PCDHA5: variants seen among roughly 807,000 people sequenced by gnomAD.
PCDHA5 encodes protocadherin alpha 5.
A neutral mutation model predicts 61.6 loss-of-function variants in PCDHA5; 43 were observed. The ratio of observed to expected loss-of-function variants is 0.70; its 90% CI spans 0.55 to 0.90. PCDHA5 has a LOEUF of 0.90. Among genes scored for constraint, PCDHA5 ranks in the 40% least tolerant of loss-of-function variants. The pLI, the probability that PCDHA5 is intolerant of heterozygous loss-of-function variation, is 0.00. For missense variants in PCDHA5, 1,298 were observed against 1,222.7 expected (o/e 1.06, Z -0.92); for synonymous variants, 627 against 543.9 (o/e 1.15, Z -2.13).
intron 1 of PCDHA5, chr5:140,928,844 C>T (rs782361945): frequency 1.2e-6 from 2 of 1,614,168 alleles, no homozygotes; most frequent in Non-Finnish European, 1.7e-6. Flanking sequence ...TCCTCTGTCA[C>T]TCTGGGTGTG....
intron 1 of PCDHA5, chr5:140,927,292 C>A: frequency 6.2e-7 from 1 of 1,614,162 alleles, no homozygotes; most frequent in East Asian, 2.2e-5. Flanking sequence ...GCTGCACATC[C>A]CCGAGTTCCT....
chr5:140,822,835 C>A lies in PCDHA5; in HGVS notation c.1060C>A (p.Leu354Ile), dbSNP rs1767446565. 1 of 1,614,198 alleles carries A rather than the reference C, an allele frequency of 6.2e-7. No homozygotes were observed. The highest frequency in any genetic ancestry group is 8.5e-7 in the Non-Finnish European group (1 of 1,180,040). ...TACCCCAGAGATGGCCATAACCACC[C>A]TTTTCCTGCCTGTCAAAGAGGACGC... ...DNTPEMAITT[L>I]FLPVKEDAPL... is the part of the protein sequence containing the mutation. The change falls in exon 1 of 4, where the codon CTT (leucine) becomes ATT (isoleucine). Residue 354 changes from leucine to isoleucine, a missense_variant. Leu to Ile is a conservative substitution (Grantham distance 5, BLOSUM62 2). Transcript: ENST00000529859.
At chr5:140,967,425 C>T in intron 1 of PCDHA5, 1 of 1,613,294 alleles carries the variant, frequency 6.2e-7, no homozygotes, top group Non-Finnish European at 8.5e-7. Flanking sequence ...CGGGAGCAGG[C>T]AGCCTTGCAC....
chr5:140,828,699 A>G, intron 1 of PCDHA5: 1 of 1,614,250 alleles, frequency 6.2e-7, no homozygotes, highest in Non-Finnish European at 8.5e-7. Flanking sequence ...TTGGACAGAG[A>G]GGAAGCTCCT....
chr5:140,884,159 A>T, intron 1 of PCDHA5: 3 of 1,613,418 alleles, frequency 1.9e-6, no homozygotes, highest in Non-Finnish European at 2.5e-6. Context: ...CACTGGCGAG[A>T]TCAGCACGAC....
intron 1 of PCDHA5, among the ~76,000 whole-genome samples, chr5:140,976,093 A>G (rs782314077): frequency 6.6e-6 from 1 of 152,238 alleles, no homozygotes; most frequent in African/African-American, 2.4e-5. Context: ...TCAGTAGTCA[A>G]CTTTTCAACT....
At position 140,835,844 on chromosome 5, in the gene PCDHA5, C is replaced by T. The variant is rs2150246309; in HGVS notation, c.2352+11717C>T. The T allele has an allele frequency of 8.1e-6, 13 of 1,612,362 alleles. No homozygotes were observed. The Admixed American group carries it at 1.0e-4, about 12-fold the overall frequency. On this transcript the variant is annotated intron_variant, in intron 1 of 3. Coordinates refer to ENST00000529859, the MANE Select transcript of PCDHA5 (RefSeq NM_018908.3). Reference sequence around the variant, plus strand: ...CGGGGGACGCGGACGCGCAGAAGAACGCGCTGGTGTCCTACTCGCTGGTGG... The same window carrying T: ...CGGGGGACGCGGACGCGCAGAAGAATGCGCTGGTGTCCTACTCGCTGGTGG...
chr5:140,870,090 G>A, intron 1 of PCDHA5: 3 of 1,613,854 alleles, frequency 1.9e-6, no homozygotes, highest in South Asian at 2.2e-5. Flanking sequence ...CTCCCCCAAT[G>A]GCAGGTCACT....
At chr5:140,875,608 G>C in intron 1 of PCDHA5, 1 of 1,613,844 alleles carries the variant, frequency 6.2e-7, no homozygotes, top group Non-Finnish European at 8.5e-7. Context: ...CACCTTCGTG[G>C]GCCGCATCGC....
At chr5:141,008,382 A>G (rs1458485740) in intron 3 of PCDHA5, among the ~76,000 whole-genome samples, 1 of 152,166 alleles carries the variant, frequency 6.6e-6, no homozygotes, top group African/African-American at 2.4e-5. Flanking sequence ...ATACATAAAC[A>G]TTGCTATGAT....
chr5:140,884,385 C>T (rs1554181508), intron 1 of PCDHA5: 1 of 1,613,992 alleles, frequency 6.2e-7, no homozygotes, highest in Non-Finnish European at 8.5e-7. Context: ...GCCATCTGCG[C>T]GGTGTCCAGC....
chr5:140,842,755 T>A, intron 1 of PCDHA5: 1 of 1,594,888 alleles, frequency 6.3e-7, no homozygotes, highest in Non-Finnish European at 8.6e-7. Context: ...TCACGGTGTC[T>A]GCGCGAGACG....
At chr5:140,845,517 A>G (rs1554140912) in intron 1 of PCDHA5, among the ~76,000 whole-genome samples, 1 of 149,602 alleles carries the variant, frequency 6.7e-6, no homozygotes, top group Non-Finnish European at 1.5e-5. Context: ...TTTCTTGTAC[A>G]TTAATACTTT....
intron 1 of PCDHA5, chr5:140,835,675 G>C (rs2150241595): frequency 6.2e-7 from 1 of 1,613,918 alleles, no homozygotes; most frequent in South Asian, 1.1e-5. Context: ...CGGGACGGGG[G>C]CTCGCCTTCT....
At chr5:140,870,014 A>G (rs782103858) in intron 1 of PCDHA5, 3 of 1,613,612 alleles carry the variant, frequency 1.9e-6, no homozygotes, top group Non-Finnish European at 2.5e-6. Flanking sequence ...GTGAGGGTCA[A>G]TGGAACTTTA....
At chr5:141,004,508 G>A (rs1554259596) in intron 3 of PCDHA5, among the ~76,000 whole-genome samples, 1 of 152,200 alleles carries the variant, frequency 6.6e-6, no homozygotes. Flanking sequence ...GCTGTGAGGG[G>A]CTCCCTCTGC....
chr5:140,873,079 T>TC (rs544069393), intron 1 of PCDHA5, among the ~76,000 whole-genome samples: 14 of 151,958 alleles, frequency 9.2e-5, no homozygotes, highest in African/African-American at 2.4e-4. Context: ...TCTAGCTATT[T>TC]CCCCCCCGTA....
At chr5:140,864,648 G>A (rs2048555529) in intron 1 of PCDHA5, 1 of 152,150 alleles carries the variant, frequency 6.6e-6, no homozygotes, top group Non-Finnish European at 1.5e-5. Context: ...AACAATGTCA[G>A]CTCTACTTAA....
intron 1 of PCDHA5, chr5:140,834,595 G>T: frequency 6.2e-7 from 1 of 1,614,156 alleles, no homozygotes; most frequent in Non-Finnish European, 8.5e-7. Context: ...TGCAAATTCC[G>T]TGGGGATCTT....
Sources: allele counts gnomAD v4.1 joint callset (sites outside exome capture counted in the v4.1 genomes callset), GRCh38; gene constraint gnomAD v4.1.1; transcripts MANE v1.5; gene names NCBI Gene and HGNC (gene_info 2026-07-23, HGNC 2026-07-21).